Variants in ZFAT observed in about 807,000 individuals in gnomAD.
ZFAT encodes zinc finger protein ZFAT.
Under a neutral mutation model 117.7 loss-of-function variants are expected in ZFAT, and 64 were observed. The ratio of observed to expected loss-of-function variants is 0.54; its 90% CI spans 0.44 to 0.67. The LOEUF (loss-of-function observed/expected upper bound fraction) is 0.67, where lower values mean the gene tolerates loss of function less well. Ranked by LOEUF, ZFAT falls within the 30% of genes least tolerant of loss-of-function variation. ZFAT has a pLI of 0.00. For missense variants in ZFAT, 1,433 were observed against 1,584.5 expected, an observed-to-expected ratio of 0.90 and a Z score of 1.62; for synonymous variants, 679 against 615.0, an observed-to-expected ratio of 1.10 and a Z score of -1.54.
At chr8:134,482,851 C>T (rs947007781) in intron 15 of ZFAT, among the ~76,000 whole-genome samples, 5 of 152,328 alleles carry the variant, frequency 3.3e-5, no homozygotes, top group African/African-American at 7.2e-5. Flanking sequence ...GTTGCCCTGT[C>T]GTGTTACTGA....
chr8:134,651,721 T>C (rs1292065853), intron 2 of ZFAT, among the ~76,000 whole-genome samples: 1 of 152,112 alleles, frequency 6.6e-6, no homozygotes, highest in African/African-American at 2.4e-5. Flanking sequence ...GCAGAGGCAA[T>C]ACCAAAAGGC....
At chr8:134,658,447 A>G (rs1324704059) in intron 1 of ZFAT, among the ~76,000 whole-genome samples, 2 of 152,208 alleles carry the variant, frequency 1.3e-5, no homozygotes, top group African/African-American at 2.4e-5. Flanking sequence ...AATTACGCAC[A>G]AGGAAAAGTT....
At chr8:134,538,055 T>A (rs1327327181) in intron 11 of ZFAT, among the ~76,000 whole-genome samples, 1 of 152,146 alleles carries the variant, frequency 6.6e-6, no homozygotes, top group Non-Finnish European at 1.5e-5. Context: ...CAAACACAGA[T>A]CAGGGCACAA....
intron 13 of ZFAT, 83 bp downstream of exon 13, chr8:134,520,800 G>T: frequency 5.9e-6 from 6 of 1,011,162 alleles, no homozygotes; most frequent in Non-Finnish European, 9.0e-6. Flanking sequence ...AGGAATGATT[G>T]TCCGTGCCCA....
the ZFAT span, among the ~76,000 whole-genome samples, chr8:134,753,232 C>CCAACAACAACAACAA: frequency 6.0e-5 from 9 of 149,750 alleles, no homozygotes; most frequent in African/African-American, 1.2e-4. Context: ...AACGAACCAA[C>CCAACAACAACAACAA]CAACAACAAC....
At chr8:134,565,701 G>C (rs1459974817) in intron 10 of ZFAT, 1 of 522,642 alleles carries the variant, frequency 1.9e-6, no homozygotes. Context: ...TAAAGAAAGA[G>C]TAAGGGTGTG....
intron 15 of ZFAT, among the ~76,000 whole-genome samples, chr8:134,499,208 G>T (rs1453265607): frequency 1.6e-4 from 20 of 124,982 alleles, no homozygotes; most frequent in Admixed American, 2.6e-4. Context: ...GGGAGGGTTG[G>T]GGTGGAGCTG....
chr8:134,689,349 C>A (rs1294795232), intron 1 of ZFAT, among the ~76,000 whole-genome samples: 1 of 152,224 alleles, frequency 6.6e-6, no homozygotes, highest in East Asian at 1.9e-4. Flanking sequence ...TCCACAGGAG[C>A]GGTAACACTG....
At chr8:134,642,294 G>T (rs1208421214) in intron 2 of ZFAT, among the ~76,000 whole-genome samples, 3 of 152,202 alleles carry the variant, frequency 2.0e-5, no homozygotes, top group African/African-American at 7.2e-5. Flanking sequence ...GACAATCTGT[G>T]CTGTGCAGAG....
At chr8:134,701,424 G>C (rs564887121) in intron 1 of ZFAT, among the ~76,000 whole-genome samples, 3 of 152,274 alleles carry the variant, frequency 2.0e-5, no homozygotes, top group Admixed American at 6.5e-5. Flanking sequence ...TCATCCCTTA[G>C]TTTGTTCCCA....
At chr8:134,799,854 T>G in the ZFAT span, among the ~76,000 whole-genome samples, 1 of 152,368 alleles carries the variant, frequency 6.6e-6, no homozygotes, top group East Asian at 1.9e-4. Context: ...AACTATTTAC[T>G]GAACACCTAC....
At chr8:134,619,779 C>T (rs922041361) in intron 3 of ZFAT, among the ~76,000 whole-genome samples, 15 of 152,218 alleles carry the variant, frequency 9.9e-5, no homozygotes, top group African/African-American at 3.4e-4. Context: ...TCTCCACCAT[C>T]CTGGTGAGGC....
chr8:134,524,791 T>A (rs540267966), intron 12 of ZFAT, among the ~76,000 whole-genome samples: 1 of 152,352 alleles, frequency 6.6e-6, no homozygotes, highest in Admixed American at 6.5e-5. Flanking sequence ...GCTAACATCC[T>A]CATTGGTTAA....
intron 7 of ZFAT, 68 bp from the exon 8 acceptor site, chr8:134,590,423 TCATCATCAC>T (rs1826379415): frequency 2.3e-6 from 3 of 1,322,982 alleles, no homozygotes; most frequent in Non-Finnish European, 3.2e-6. Context: ...AAAATAACCA[TCATCATCAC>T]CATCATCACC....
chr8:134,571,816 CTA>C (rs1176737729), intron 10 of ZFAT, among the ~76,000 whole-genome samples: 1 of 152,078 alleles, frequency 6.6e-6, no homozygotes, highest in East Asian at 1.9e-4. Flanking sequence ...AACTAAGAAA[CTA>C]GACATTTTTA....
chr8:134,674,409 G>T (rs1384093982), intron 1 of ZFAT, among the ~76,000 whole-genome samples: 1 of 152,184 alleles, frequency 6.6e-6, no homozygotes, highest in Admixed American at 6.5e-5. Flanking sequence ...GGAGCTTGGT[G>T]GGGGAAGGGG....
intron 3 of ZFAT, among the ~76,000 whole-genome samples, chr8:134,624,180 G>GCACACACACA (rs57195425): frequency 4.9e-4 from 72 of 146,296 alleles, no homozygotes; most frequent in African/African-American, 1.7e-3. Context: ...ATGTGCACAT[G>GCACACACACA]CACACACACA....
At chr8:134,485,297 G>C (rs999318553) in intron 15 of ZFAT, among the ~76,000 whole-genome samples, 1 of 152,174 alleles carries the variant, frequency 6.6e-6, no homozygotes, top group Non-Finnish European at 1.5e-5. Context: ...CTGTGGGCTT[G>C]GCCAAGCAGG....
At chr8:134,624,180 G>GCA (rs57195425) in intron 3 of ZFAT, among the ~76,000 whole-genome samples, 13,208 of 146,174 alleles carry the variant, frequency 0.09, 599 homozygotes, top group African/African-American at 0.1. Context: ...ATGTGCACAT[G>GCA]CACACACACA....
Sources: allele counts gnomAD v4.1 joint callset (sites outside exome capture counted in the v4.1 genomes callset), GRCh38; gene constraint gnomAD v4.1.1; transcripts MANE v1.5; gene names NCBI Gene and HGNC (gene_info 2026-07-23, HGNC 2026-07-21).